NRXN1: variants seen among roughly 807,000 people sequenced by gnomAD.
NRXN1 encodes the protein neurexin 1, also known as neurexin-1.
A neutral mutation model predicts 150.9 loss-of-function variants in NRXN1; 39 were observed. That is an observed-to-expected ratio of 0.26 (90% CI 0.20 to 0.34). The LOEUF is 0.34. NRXN1 is among the 10% of genes least tolerant of loss of function. The pLI is 1.00. For synonymous variants in NRXN1, 924 were observed against 757.0 expected, an observed-to-expected ratio of 1.22 and a Z score of -3.62; for missense variants, 1,815 against 1,949.9, an observed-to-expected ratio of 0.93 and a Z score of 1.30.
chr2:50,108,454 T>C (rs2152721659), intron 18 of NRXN1, among the ~76,000 whole-genome samples: 1 of 152,166 alleles, frequency 6.6e-6, no homozygotes, highest in Admixed American at 6.5e-5. Flanking sequence ...AGTCACTGTG[T>C]TAACCTAAGG....
chr2:50,518,993 G>C (rs926194469), intron 12 of NRXN1, among the ~76,000 whole-genome samples: 4 of 151,662 alleles, frequency 2.6e-5, no homozygotes, highest in Admixed American at 6.6e-5. Flanking sequence ...ATTATAATGC[G>C]TAGAAATCTA....
At chr2:50,553,741 C>A (rs1490613580) in intron 8 of NRXN1, among the ~76,000 whole-genome samples, 1 of 152,204 alleles carries the variant, frequency 6.6e-6, no homozygotes, top group Non-Finnish European at 1.5e-5. Flanking sequence ...TTTTAATTTA[C>A]ACAAATGCTG....
At chr2:50,885,136 G>C (rs1680032394) in intron 5 of NRXN1, among the ~76,000 whole-genome samples, 1 of 151,438 alleles carries the variant, frequency 6.6e-6, no homozygotes, top group African/African-American at 2.4e-5. Flanking sequence ...ACCTTGCAAG[G>C]TAACACAAAA....
At chr2:50,312,715 T>G in intron 17 of NRXN1, 1 of 515,370 alleles carries the variant, frequency 1.9e-6, no homozygotes, top group South Asian at 1.4e-5. Flanking sequence ...TAGAAAATGC[T>G]TCTATCAGAT....
In NRXN1 at chr2:50,497,629, G is replaced by A. The variant is rs1216959458; in HGVS notation, c.2583C>T (p.Val861=). 1.2e-6 allele frequency: 2 copies of A among 1,613,888 alleles called. No individual in the cohort carries two copies. Among genetic ancestry groups the A allele is most frequent in the South Asian group, 2.2e-5 (2 of 91,070 alleles). The stretch of plus-strand genomic sequence containing the variant: ...GCAGGTGTCCAATGAAGTTGGAGGG[G>A]ACAGAAGAAAGATACCGTCGTTCTG... The part of the protein sequence containing the change: ...IITERRYLSS[V]PSNFIGHLQS... Residue 861 remains valine, a synonymous_variant, in exon 14 of 23, where the codon GTC becomes GTT. Transcript: ENST00000401669.
intron 2 of NRXN1, among the ~76,000 whole-genome samples, chr2:50,940,262 G>A (rs557855882): frequency 6.6e-6 from 1 of 152,146 alleles, no homozygotes; most frequent in East Asian, 1.9e-4. Flanking sequence ...GGATCATGAG[G>A]TTAAGAGATC....
At chr2:50,127,368 T>A (rs1160934026) in intron 18 of NRXN1, among the ~76,000 whole-genome samples, 2 of 152,156 alleles carry the variant, frequency 1.3e-5, no homozygotes, top group Non-Finnish European at 2.9e-5. Context: ...TAATCTAAAA[T>A]TTTTAAAAAC....
chr2:50,050,094 T>C (rs1400100641), intron 21 of NRXN1, among the ~76,000 whole-genome samples: 2 of 151,380 alleles, frequency 1.3e-5, no homozygotes, highest in Non-Finnish European at 2.9e-5. Flanking sequence ...TATTTCTTGA[T>C]ATAAATCACA....
intron 22 of NRXN1, among the ~76,000 whole-genome samples, chr2:49,936,200 C>T (rs904967651): frequency 2.0e-5 from 3 of 152,190 alleles, no homozygotes; most frequent in Admixed American, 2.0e-4. Context: ...AGCAAACTCA[C>T]TTATATGCTA....
At chr2:50,231,874 A>C (rs1238638748) in intron 18 of NRXN1, among the ~76,000 whole-genome samples, 1 of 152,120 alleles carries the variant, frequency 6.6e-6, no homozygotes, top group African/African-American at 2.4e-5. Flanking sequence ...ATAATATAAA[A>C]ACTTGAGCTA....
At chr2:50,148,154 T>C (rs919666084) in intron 18 of NRXN1, among the ~76,000 whole-genome samples, 9 of 151,600 alleles carry the variant, frequency 5.9e-5, no homozygotes, top group African/African-American at 1.7e-4. Flanking sequence ...CTGGTATCTG[T>C]GAGTGTGAAA....
rs539808255 is a variant in NRXN1 at position 49,950,850 on chromosome 2, C to G, written c.4129-7059G>C. Among the ~76,000 whole-genome samples, 116 of 152,054 alleles carry G rather than the reference C, an allele frequency of 7.6e-4. No individual in the cohort carries two copies. In the Middle Eastern group the frequency reaches 0.017, roughly 22 times the overall value. ...TTTCATGAATATGTAGGGCAAAGCT[C>G]AAATACCCCTTAAAACAGCCACTTT... On this transcript the variant is annotated intron_variant, in intron 21 of 22. Transcript: ENST00000401669.
chr2:50,563,608 T>A (rs1354688692), intron 8 of NRXN1, among the ~76,000 whole-genome samples: 1 of 152,152 alleles, frequency 6.6e-6, no homozygotes, highest in Non-Finnish European at 1.5e-5. Flanking sequence ...GAGGTGAGGG[T>A]ACTTGCCTGA....
chr2:50,094,501 T>C lies in NRXN1; in HGVS notation c.3547-3007A>G, dbSNP rs895016739. Reference sequence around the variant, plus strand: ...TTGATATGTGTCTTCTGGGACTTGGTGGGTGGCAGCGGTCAAGGTAGTGAG... The same window carrying C: ...TTGATATGTGTCTTCTGGGACTTGGCGGGTGGCAGCGGTCAAGGTAGTGAG... On this transcript the variant is annotated intron_variant, in intron 18 of 22. Transcript: ENST00000401669. Among the ~76,000 whole-genome samples, 3 of 152,080 alleles carry C rather than the reference T, an allele frequency of 2.0e-5. 1 individual carries two copies. The highest frequency in any genetic ancestry group is 2.0e-4 in the Admixed American group (3 of 15,260).
chr2:50,491,741 G>A (rs905983454), intron 15 of NRXN1, among the ~76,000 whole-genome samples: 3 of 152,116 alleles, frequency 2.0e-5, no homozygotes, highest in African/African-American at 4.8e-5. Flanking sequence ...CCACCTGAGG[G>A]CACTCTATGC....
rs951225115 is a variant in NRXN1 at position 49,921,902 on chromosome 2, TGAA to T, written c.*39_*41del. 11 of 1,583,886 alleles carry T rather than the reference TGAA, an allele frequency of 6.9e-6. No homozygotes were observed. The South Asian group carries it at 1.2e-4, about 18-fold the overall frequency. On this transcript the variant is annotated 3_prime_UTR_variant, in exon 23 of 23. Coordinates refer to ENST00000401669, the MANE Select transcript of NRXN1 (RefSeq NM_001330078.2). ...AGTTTATATTATGTCTCAGATAAAA[TGAA>T]GACTATTTCTATACAAGTGTCCATT... is the stretch of plus-strand genomic sequence containing the variant.
At chr2:50,088,769 T>A (rs1019213462) in intron 19 of NRXN1, among the ~76,000 whole-genome samples, 1 of 152,172 alleles carries the variant, frequency 6.6e-6, no homozygotes, top group Non-Finnish European at 1.5e-5. Flanking sequence ...TTTTTTCAAA[T>A]AATTAATAAG....
intron 2 of NRXN1, among the ~76,000 whole-genome samples, chr2:51,019,483 A>C (rs1214508943): frequency 6.6e-6 from 1 of 152,088 alleles, no homozygotes; most frequent in Non-Finnish European, 1.5e-5. Flanking sequence ...CTTTAAGGAG[A>C]GGCATCTAGT....
chr2:50,203,626 A>C (rs2062348745), intron 18 of NRXN1, among the ~76,000 whole-genome samples: 1 of 152,186 alleles, frequency 6.6e-6, no homozygotes, highest in African/African-American at 2.4e-5. Flanking sequence ...CACAAGAGCT[A>C]TCACAATGTT....
Sources: allele counts gnomAD v4.1 joint callset (sites outside exome capture counted in the v4.1 genomes callset), GRCh38; gene constraint gnomAD v4.1.1; transcripts MANE v1.5; gene names NCBI Gene and HGNC (gene_info 2026-07-23, HGNC 2026-07-21).